The following YTHDF2 variants were observed in gnomAD, a reference collection of about 807,000 sequenced individuals.
YTHDF2 encodes the protein YTH domain-containing family protein 2.
In YTHDF2, 2 loss-of-function variants were observed where a neutral mutation model predicts 50.4. The ratio of observed to expected loss-of-function variants is 0.04; its 90% confidence interval spans 0.02 to 0.12. YTHDF2 has a LOEUF of 0.12. Among genes scored for constraint, YTHDF2 ranks in the 10% least tolerant of loss-of-function variants. The pLI, the probability that YTHDF2 is intolerant of heterozygous loss-of-function variation, is 1.00. For synonymous variants in YTHDF2, 217 were observed against 255.6 expected (o/e 0.85, Z 1.44); for missense variants, 483 against 722.6 (o/e 0.67, Z 3.80).
rs2088260343 is a variant in YTHDF2, at chr1:28,768,863, TTTTTA to T, written c.1717-65_1717-61del. Reference sequence around the variant, plus strand: ...ATTTCTGTTGAGTTATTCTGTGAAGTTTTTAAATTCATAAAGCATGTTCAGATAAT... The same window carrying T: ...ATTTCTGTTGAGTTATTCTGTGAAGTAATTCATAAAGCATGTTCAGATAAT... On this transcript the variant is annotated intron_variant, in intron 4 of 4. Coordinates refer to ENST00000373812, the MANE Select transcript of YTHDF2 (RefSeq NM_016258.3). The T allele has an allele frequency of 1.0e-5, 13 of 1,297,836 alleles. No homozygotes were observed. In the East Asian group the frequency reaches 3.1e-4, roughly 31 times the overall value. The allele number at this position is 1,297,836 out of a possible 1,614,324, so 80.4% of individuals were successfully genotyped here. A position where few individuals can be genotyped will look rare whatever the true frequency, so the allele number is the denominator to read the frequency against.
intron 4 of YTHDF2, among the ~76,000 whole-genome samples, chr1:28,756,091 GTTTC>G (rs1229460379): frequency 1.4e-4 from 22 of 152,260 alleles, no homozygotes; most frequent in African/African-American, 4.8e-4. Flanking sequence ...GACTCTGCAT[GTTTC>G]TTTATCTTTG....
chr1:28,754,552 G>A (rs560693303), intron 4 of YTHDF2, among the ~76,000 whole-genome samples: 11 of 150,702 alleles, frequency 7.3e-5, no homozygotes, highest in South Asian at 4.2e-4. Flanking sequence ...GGCCGGGCGC[G>A]GTGGCTCATG....
rs1325889381 is a variant in YTHDF2, at chr1:28,764,437, A to AT, written c.1717-4482dup. On this transcript the variant is annotated intron_variant, in intron 4 of 4. Transcript: ENST00000373812. ...AGGCGCCCACCACCACGCCCGGCTA[A>AT]TTTTTTTTTTGTTTTTTTTAGTAGT... Among the ~76,000 whole-genome samples, 698 of 146,982 alleles carry AT rather than the reference A, an allele frequency of 4.7e-3. 7 individuals are homozygous for AT. Among genetic ancestry groups the AT allele is most frequent in the African/African-American group, 0.016 (650 of 39,888 alleles).
At position 28,742,907 on chromosome 1, in the gene YTHDF2, A is replaced by C; in HGVS notation, c.637A>C (p.Ser213Arg). The C allele has an allele frequency of 6.2e-7, 1 of 1,614,160 alleles. No individual in the cohort carries two copies. Among genetic ancestry groups the C allele is most frequent in the Non-Finnish European group, 8.5e-7 (1 of 1,180,040 alleles). The change falls in exon 4 of 5, where the codon AGC becomes CGC. Residue 213 changes from serine to arginine, a missense_variant. By Grantham distance (110) the Ser-to-Arg change is moderately radical (BLOSUM62 -1). Coordinates refer to ENST00000373812, the MANE Select transcript of YTHDF2 (RefSeq NM_016258.3). ...AAAAGTTGTAGGTTCTGCTGTTGGT[A>C]GCGGGTCCATTACTAGTAACATCGT... Reference protein sequence around the residue: ...VPKVVGSAVGSGSITSNIVAS... With the variant: ...VPKVVGSAVGRGSITSNIVAS...
intron 2 of YTHDF2, 119 bp downstream of exon 2, chr1:28,737,801 C>A: frequency 1.7e-6 from 2 of 1,201,082 alleles, no homozygotes; most frequent in Non-Finnish European, 2.4e-6. Context: ...TTCGCAGGTG[C>A]CGCACACTTA....
intron 3 of YTHDF2, chr1:28,740,542 C>T (rs1277593310): frequency 3.3e-5 from 5 of 151,790 alleles, no homozygotes; most frequent in Non-Finnish European, 5.9e-5. Context: ...TTTTCATTAC[C>T]CTATTTTGGA....
intron 4 of YTHDF2, among the ~76,000 whole-genome samples, chr1:28,748,516 T>C (rs1202640200): frequency 1.3e-5 from 2 of 152,342 alleles, no homozygotes; most frequent in East Asian, 3.9e-4. Context: ...GATTGGGCAG[T>C]ATCTTGGCAG....
chr1:28,768,215 T>A (rs1343065741), intron 4 of YTHDF2, among the ~76,000 whole-genome samples: 1 of 152,058 alleles, frequency 6.6e-6, no homozygotes, highest in Non-Finnish European at 1.5e-5. Context: ...AAAAAAAATT[T>A]TTTTTAAAAT....
At chr1:28,746,337 A>G (rs2087859921) in intron 4 of YTHDF2, among the ~76,000 whole-genome samples, 1 of 152,194 alleles carries the variant, frequency 6.6e-6, no homozygotes, top group African/African-American at 2.4e-5. Context: ...AATGCACAGC[A>G]TAGTTGTTAA....
In YTHDF2 at chr1:28,742,519, G is replaced by T; in HGVS notation, c.249G>T (p.Met83Ile). 1 of 1,614,028 alleles carries T rather than the reference G, an allele frequency of 6.2e-7. No individual in the cohort carries two copies. Among genetic ancestry groups the T allele is most frequent in the Non-Finnish European group, 8.5e-7 (1 of 1,180,022 alleles). The part of the protein sequence containing the change: ...AAWSTGGDTA[M>I]PYLTSYGQLS... ...GGTCTACGGGGGGTGACACAGCCAT[G>T]CCCTACTTAACTTCTTATGGACAGC... Residue 83 changes from methionine to isoleucine, a missense_variant, in exon 4 of 5, where the codon ATG (methionine) becomes ATT (isoleucine). Physicochemically the swap from Met to Ile is conservative, Grantham distance 10 (BLOSUM62 1). This residue lies in a region of YTHDF2 where 385 missense variants were observed against 475.8 expected (regional missense o/e 0.81). Transcript: ENST00000373812.
chr1:28,751,226 C>G (rs923344745), intron 4 of YTHDF2, among the ~76,000 whole-genome samples: 1 of 151,960 alleles, frequency 6.6e-6, no homozygotes, highest in East Asian at 1.9e-4. Context: ...CCACTGCACT[C>G]CAGCCTGGGT....
At chr1:28,737,477 C>T (rs902639394) in intron 1 of YTHDF2, 181 bp from the exon 2 acceptor site, 36 of 818,700 alleles carry the variant, frequency 4.4e-5, no homozygotes, top group Non-Finnish European at 6.3e-5. Context: ...TTCTCCCCTG[C>T]CCCACGGGCC....
At chr1:28,761,093 T>C (rs2088118561) in intron 4 of YTHDF2, among the ~76,000 whole-genome samples, 1 of 151,222 alleles carries the variant, frequency 6.6e-6, no homozygotes, top group South Asian at 2.1e-4. Context: ...GAAATGTCAT[T>C]ATATCGTGCA....
At chr1:28,759,806 C>A (rs1472630723) in intron 4 of YTHDF2, among the ~76,000 whole-genome samples, 3 of 151,740 alleles carry the variant, frequency 2.0e-5, no homozygotes, top group Non-Finnish European at 4.4e-5. Flanking sequence ...AAATACAAAA[C>A]CTAGCCGGGC....
intron 4 of YTHDF2, among the ~76,000 whole-genome samples, chr1:28,749,304 G>A (rs1300933076): frequency 1.3e-5 from 2 of 149,586 alleles, no homozygotes; most frequent in Non-Finnish European, 2.9e-5. Context: ...CCATTCTCCT[G>A]CCTCAGCCTC....
chr1:28,737,464 G>A (rs1424856531), intron 1 of YTHDF2, 194 bp from the exon 2 acceptor site: 2 of 740,308 alleles, frequency 2.7e-6, no homozygotes, highest in Non-Finnish European at 4.2e-6. Flanking sequence ...CGTCTGCCGC[G>A]TTTTCTCCCC....
At chr1:28,746,067 T>C (rs1326587667) in intron 4 of YTHDF2, among the ~76,000 whole-genome samples, 1 of 152,108 alleles carries the variant, frequency 6.6e-6, no homozygotes, top group Admixed American at 6.6e-5. Context: ...CAGTATTTTG[T>C]AGAAAAAGAT....
chr1:28,743,241 A>C lies in YTHDF2; in HGVS notation c.971A>C (p.Gln324Pro). The change falls in exon 4 of 5, where the codon CAA (glutamine) becomes CCA (proline). Residue 324 changes from glutamine (Q) to proline (P), a missense_variant. By Grantham distance (76) the Gln-to-Pro change is moderately conservative (BLOSUM62 -1). This residue lies in a region of YTHDF2 where 385 missense variants were observed against 475.8 expected (regional missense o/e 0.81). Transcript: ENST00000373812. This position sits in a 1 kb window ranked among gnomAD's most constrained non-coding sequence, Gnocchi z 6.9. ...SPPVAQASVG[Q>P]QTQPLPPPPP... ...CCAGTGGCTCAGGCATCAGTAGGGC[A>C]ACAGACACAGCCATTGCCTCCACCT... 1 of 1,614,130 alleles carries C rather than the reference A, an allele frequency of 6.2e-7. No individual in the cohort carries two copies. The highest frequency in any genetic ancestry group is 8.5e-7 in the Non-Finnish European group (1 of 1,180,036).
chr1:28,751,886 G>C (rs1297671018), intron 4 of YTHDF2, among the ~76,000 whole-genome samples: 1 of 152,194 alleles, frequency 6.6e-6, no homozygotes, highest in Non-Finnish European at 1.5e-5. Flanking sequence ...CAATAACATT[G>C]GAACCCTGCC....
Sources: gnomAD v4.1 joint callset for allele counts (sites outside exome capture counted in the v4.1 genomes callset) on GRCh38, gnomAD v4.1.1 for gene constraint, gnomAD v4.1.1 regional missense constraint, Gnocchi (gnomAD v3.1) non-coding constraint, MANE v1.5 for transcripts, NCBI Gene and HGNC (gene_info 2026-07-23, HGNC 2026-07-21) for gene names.